TENM1: variants seen among roughly 807,000 people sequenced by gnomAD.
TENM1 encodes the protein teneurin transmembrane protein 1, also known as teneurin-1.
TENM1 carries 35 observed loss-of-function variants against 174.8 expected under a neutral mutation model. The observed-to-expected ratio is 0.20, with a 90% CI of 0.15 to 0.27. TENM1 has a LOEUF of 0.27. Among genes scored for constraint, TENM1 ranks in the 10% least tolerant of loss-of-function variants. TENM1 has a pLI of 1.00. For missense variants in TENM1, 1,633 were observed against 2,130.1 expected (o/e 0.77, Z 4.59); for synonymous variants, 781 against 798.7 (o/e 0.98, Z 0.37).
At chrX:124,574,351 C>T (rs1242678811) in intron 11 of TENM1, among the ~76,000 whole-genome samples, 1 of 111,303 alleles carries the variant, frequency 9.0e-6, no homozygotes, top group East Asian at 2.8e-4. Flanking sequence ...ACCCCTCTGC[C>T]TTCTCCAATA....
chrX:124,770,601 G>T (rs1037962241), intron 3 of TENM1, among the ~76,000 whole-genome samples: 2 of 110,312 alleles, frequency 1.8e-5, no homozygotes, highest in African/African-American at 6.6e-5. Flanking sequence ...TAGAGACAGG[G>T]TTTGGCTGTG....
intron 1 of TENM1, among the ~76,000 whole-genome samples, chrX:124,943,312 A>G (rs905507109): frequency 1.8e-5 from 2 of 111,539 alleles, no homozygotes; most frequent in African/African-American, 6.5e-5. Flanking sequence ...AGACAAAGCT[A>G]CTCAGCATGG....
the TENM1 span, among the ~76,000 whole-genome samples, chrX:125,059,848 T>C: frequency 2.7e-5 from 3 of 111,254 alleles, no homozygotes; most frequent in Non-Finnish European, 5.7e-5. Flanking sequence ...CATTATGCTA[T>C]GTGAAATAAT....
intron 18 of TENM1, among the ~76,000 whole-genome samples, chrX:124,505,430 G>A (rs72610644): frequency 6.7e-4 from 75 of 111,752 alleles, no homozygotes; most frequent in Middle Eastern, 4.6e-3. Context: ...AATCTAGTTC[G>A]TTACACTTAT....
In TENM1 at chrX:124,634,037, C is replaced by A. The variant is rs1432916984; in HGVS notation, c.2077+7754G>T. Reference sequence around the variant, plus strand: ...AAATCAGAGTCACCTTAATGTTTATCTTTTATTTTTTTACTGAGTAGAAAA... The same window carrying A: ...AAATCAGAGTCACCTTAATGTTTATATTTTATTTTTTTACTGAGTAGAAAA... On this transcript the variant is annotated intron_variant, in intron 11 of 31. Transcript: ENST00000422452. 1.6e-4 allele frequency among the ~76,000 whole-genome samples: 18 copies of A among 111,612 alleles called. No homozygotes were observed. The Admixed American group carries it at 1.7e-3, about 11-fold the overall frequency.
rs772815033 is a variant in TENM1, at chrX:124,583,732, T to G, written c.2078-18172A>C. Among the ~76,000 whole-genome samples, 717 of 111,744 alleles carry G rather than the reference T, an allele frequency of 6.4e-3. 2 individuals are homozygous for G. The highest frequency in any genetic ancestry group is 0.011 in the Non-Finnish European group (595 of 53,156). On this transcript the variant is annotated intron_variant, in intron 11 of 31. Coordinates refer to ENST00000422452, the Ensembl canonical transcript of TENM1. Reference sequence around the variant, plus strand: ...AGAAGAAGGCTTCAGACGATCAAACTACTCCGAGCTACAGGAGGAAATTAA... The same window carrying G: ...AGAAGAAGGCTTCAGACGATCAAACGACTCCGAGCTACAGGAGGAAATTAA...
chrX:124,885,299 T>C (rs1432656953), intron 3 of TENM1, among the ~76,000 whole-genome samples: 1 of 110,524 alleles, frequency 9.0e-6, no homozygotes, highest in Non-Finnish European at 1.9e-5. Context: ...ATAATATATA[T>C]CTTGAACTTT....
At chrX:124,910,530 G>A (rs1449879717) in intron 1 of TENM1, among the ~76,000 whole-genome samples, 2 of 111,778 alleles carry the variant, frequency 1.8e-5, no homozygotes, top group Non-Finnish European at 3.8e-5. Context: ...CACCTTGGGG[G>A]GAAAAAGCAC....
chrX:124,642,692 T>A (rs988782258), intron 10 of TENM1, among the ~76,000 whole-genome samples: 2 of 111,991 alleles, frequency 1.8e-5, no homozygotes, highest in Non-Finnish European at 3.8e-5. Flanking sequence ...TCTGGAAATT[T>A]TTGTATACAT....
the TENM1 span, among the ~76,000 whole-genome samples, chrX:125,124,098 C>G: frequency 8.9e-6 from 1 of 112,056 alleles, no homozygotes; most frequent in Non-Finnish European, 1.9e-5. Context: ...ACATGTGTGA[C>G]AGTGTTTGGC....
At chrX:124,552,809 C>T (rs372417058) in intron 14 of TENM1, among the ~76,000 whole-genome samples, 2 of 111,450 alleles carry the variant, frequency 1.8e-5, no homozygotes, top group South Asian at 3.8e-4. Context: ...ATTCCTATGC[C>T]TGGAATGTTC....
the TENM1 span, among the ~76,000 whole-genome samples, chrX:125,178,373 T>C: frequency 9.0e-6 from 1 of 111,575 alleles, no homozygotes; most frequent in African/African-American, 3.3e-5. Context: ...AATTTAATCC[T>C]TTTTGTTTAG....
the TENM1 span, among the ~76,000 whole-genome samples, chrX:125,124,173 T>G: frequency 8.9e-6 from 1 of 112,623 alleles, no homozygotes; most frequent in Non-Finnish European, 1.9e-5. Context: ...AATTTGGAAT[T>G]GTGTAGTTCC....
chrX:124,751,893 G>T (rs1231500716), intron 3 of TENM1, among the ~76,000 whole-genome samples: 2 of 110,553 alleles, frequency 1.8e-5, no homozygotes, highest in South Asian at 7.8e-4. Context: ...GTCTATCATT[G>T]TTGGACATTT....
chrX:125,067,654 C>T, the TENM1 span, among the ~76,000 whole-genome samples: 2 of 111,766 alleles, frequency 1.8e-5, no homozygotes, highest in African/African-American at 6.5e-5. Flanking sequence ...ACTTCTATCA[C>T]GTCTGAACTA....
intron 4 of TENM1, among the ~76,000 whole-genome samples, chrX:124,715,851 T>C (rs2053170866): frequency 9.0e-6 from 1 of 111,030 alleles, no homozygotes; most frequent in Non-Finnish European, 1.9e-5. Flanking sequence ...GGTATACTTT[T>C]CTGTATCATT....
the TENM1 span, among the ~76,000 whole-genome samples, chrX:125,093,649 T>A: frequency 1.8e-5 from 2 of 111,802 alleles, no homozygotes; most frequent in Non-Finnish European, 3.8e-5. Context: ...CCATTTTCCA[T>A]TAACTTGATC....
chrX:125,008,596 C>T, the TENM1 span, among the ~76,000 whole-genome samples: 1 of 112,396 alleles, frequency 8.9e-6, no homozygotes, highest in Admixed American at 9.4e-5. Flanking sequence ...CTCAGTGCCA[C>T]ATGGCACTTA....
intron 14 of TENM1, among the ~76,000 whole-genome samples, chrX:124,552,878 C>A (rs1388106334): frequency 9.0e-6 from 1 of 111,727 alleles, no homozygotes; most frequent in Admixed American, 9.5e-5. Context: ...ATTCAAATGT[C>A]ATCTTCTTAG....
Sources: gnomAD v4.1 joint callset for allele counts (sites outside exome capture counted in the v4.1 genomes callset) on GRCh38, gnomAD v4.1.1 for gene constraint, MANE v1.5 for transcripts, NCBI Gene and HGNC (gene_info 2026-07-23, HGNC 2026-07-21) for gene names.